The following RAPGEF5 variants were observed in gnomAD, a reference collection of about 807,000 sequenced individuals.
The protein encoded by RAPGEF5 is M-Ras-regulated GEF.
Under a neutral mutation model 125.2 loss-of-function variants are expected in RAPGEF5, and 65 were observed. The ratio of observed to expected loss-of-function variants is 0.52; its 90% CI spans 0.43 to 0.64. The LOEUF (loss-of-function observed/expected upper bound fraction) is 0.64. RAPGEF5 is among the 30% of genes least tolerant of loss of function. The pLI is 0.00. For synonymous variants in RAPGEF5, 391 were observed against 385.9 expected (o/e 1.01, Z -0.16); for missense variants, 958 against 1,048.1 (o/e 0.91, Z 1.19).
At chr7:22,170,453 G>C (rs990380057) in intron 11 of RAPGEF5, among the ~76,000 whole-genome samples, 2 of 152,204 alleles carry the variant, frequency 1.3e-5, no homozygotes, top group South Asian at 2.1e-4. Context: ...CTGAGAGGGA[G>C]TTGGCATTTA....
chr7:22,133,909 A>G (rs967693987), intron 23 of RAPGEF5, among the ~76,000 whole-genome samples: 1 of 152,186 alleles, frequency 6.6e-6, no homozygotes, highest in South Asian at 2.1e-4. Context: ...TAATCCACTT[A>G]ATTGATAATC....
chr7:22,254,589 C>T (rs1786707553), intron 7 of RAPGEF5, among the ~76,000 whole-genome samples: 1 of 114,374 alleles, frequency 8.7e-6, no homozygotes, highest in Non-Finnish European at 1.7e-5. Context: ...GCCTGGGTGA[C>T]AAGAGCAAAA....
intron 19 of RAPGEF5, among the ~76,000 whole-genome samples, chr7:22,146,071 A>G (rs1403714368): frequency 6.6e-6 from 1 of 152,160 alleles, no homozygotes; most frequent in Non-Finnish European, 1.5e-5. Flanking sequence ...ACTTCCAAAG[A>G]CACAAGTCAT....
Position 22,122,411 on chromosome 7 carries a change from C to T in RAPGEF5, c.2647G>A (p.Val883Met). ...GGGAGGTGAGGCAGTGGGGCTCACA[C>T]CCGAGGCTCGATCCTGTGTGAGAGC... ...FELSHRIEPR[V>M] Residue 883 changes from valine to methionine, a missense_variant, in exon 26 of 26, where the codon GTG becomes ATG. By Grantham distance (21) the Val-to-Met change is conservative (BLOSUM62 1). Coordinates refer to ENST00000665637, the MANE Select transcript of RAPGEF5 (RefSeq NM_012294.5). 6.2e-7 allele frequency: 1 copy of T among 1,612,618 alleles called. No homozygotes were observed. Among genetic ancestry groups the T allele is most frequent in the Non-Finnish European group, 8.5e-7 (1 of 1,178,998 alleles).
At chr7:22,245,169 T>C (rs1418639311) in intron 7 of RAPGEF5, among the ~76,000 whole-genome samples, 1 of 152,220 alleles carries the variant, frequency 6.6e-6, no homozygotes, top group Non-Finnish European at 1.5e-5. Context: ...CAGGTTTTCT[T>C]CCTATCATGT....
At chr7:22,334,854 A>G (rs948558534) in intron 1 of RAPGEF5, among the ~76,000 whole-genome samples, 1 of 152,118 alleles carries the variant, frequency 6.6e-6, no homozygotes, top group African/African-American at 2.4e-5. Context: ...CATTCTTCCT[A>G]TCCTTCTCTG....
chr7:22,196,082 C>A, intron 9 of RAPGEF5, among the ~76,000 whole-genome samples: 1 of 152,130 alleles, frequency 6.6e-6, no homozygotes, highest in Admixed American at 6.6e-5. Flanking sequence ...TATTGATGTA[C>A]TATCAATAGC....
intron 3 of RAPGEF5, among the ~76,000 whole-genome samples, chr7:22,311,309 T>C (rs1783464965): frequency 6.6e-6 from 1 of 152,258 alleles, no homozygotes; most frequent in African/African-American, 2.4e-5. Flanking sequence ...GCCAAGCACC[T>C]GGCCAAAATG....
intron 1 of RAPGEF5, among the ~76,000 whole-genome samples, chr7:22,328,881 A>G (rs986513028): frequency 3.9e-5 from 6 of 152,188 alleles, no homozygotes; most frequent in African/African-American, 1.4e-4. Context: ...GAGGCCAACA[A>G]AAGAGTCACC....
At chr7:22,139,849 A>C (rs1051767089) in intron 21 of RAPGEF5, 176 bp downstream of exon 21, 9 of 552,454 alleles carry the variant, frequency 1.6e-5, no homozygotes, top group Non-Finnish European at 2.9e-5. Flanking sequence ...TACCATTTTT[A>C]TCTAGTTCAG....
chr7:22,187,676 G>T (rs1481340683), intron 11 of RAPGEF5, among the ~76,000 whole-genome samples: 2 of 152,200 alleles, frequency 1.3e-5, no homozygotes, highest in Non-Finnish European at 2.9e-5. Flanking sequence ...GTGTAGGTTT[G>T]TCAGTTATGA....
chr7:22,313,433 C>T (rs1186860216), intron 3 of RAPGEF5, among the ~76,000 whole-genome samples: 1 of 152,158 alleles, frequency 6.6e-6, no homozygotes, highest in Non-Finnish European at 1.5e-5. Context: ...GAAAATGATT[C>T]ATCCCTAGGT....
intron 3 of RAPGEF5, among the ~76,000 whole-genome samples, chr7:22,310,359 G>C (rs1562522588): frequency 6.6e-6 from 1 of 152,054 alleles, no homozygotes; most frequent in Non-Finnish European, 1.5e-5. Flanking sequence ...AACAATATCT[G>C]CTTATCCCAC....
At chr7:22,274,804 C>T (rs1157372586) in intron 6 of RAPGEF5, among the ~76,000 whole-genome samples, 1 of 152,200 alleles carries the variant, frequency 6.6e-6, no homozygotes, top group East Asian at 1.9e-4. Flanking sequence ...CCACATCATT[C>T]TCTACTCTGC....
chr7:22,315,153 G>C (rs767391155), intron 3 of RAPGEF5, among the ~76,000 whole-genome samples: 21 of 152,174 alleles, frequency 1.4e-4, no homozygotes, highest in Non-Finnish European at 2.6e-4. Context: ...CTTGGGGCTG[G>C]AAATTCCATA....
At chr7:22,195,338 T>C (rs1299810658) in intron 9 of RAPGEF5, among the ~76,000 whole-genome samples, 1 of 152,208 alleles carries the variant, frequency 6.6e-6, no homozygotes, top group East Asian at 1.9e-4. Flanking sequence ...AATTGTGACT[T>C]TACCTCCTGG....
At chr7:22,199,799 C>T (rs551565829) in intron 9 of RAPGEF5, among the ~76,000 whole-genome samples, 4 of 152,166 alleles carry the variant, frequency 2.6e-5, no homozygotes, top group Non-Finnish European at 4.4e-5. Flanking sequence ...TCTAGAAAGG[C>T]GACTTTCCAC....
chr7:22,134,446 G>A (rs1249060747), intron 23 of RAPGEF5, among the ~76,000 whole-genome samples: 3 of 151,840 alleles, frequency 2.0e-5, no homozygotes, highest in Non-Finnish European at 2.9e-5. Flanking sequence ...CAGAGGTCTC[G>A]ATAAACTCAG....
At chr7:22,126,317 C>G (rs984807062) in intron 24 of RAPGEF5, among the ~76,000 whole-genome samples, 2 of 152,222 alleles carry the variant, frequency 1.3e-5, no homozygotes, top group Non-Finnish European at 2.9e-5. Context: ...CTCCATGAAG[C>G]CTTTCTGAGA....
Sources: gnomAD v4.1 joint callset for allele counts (sites outside exome capture counted in the v4.1 genomes callset) on GRCh38, gnomAD v4.1.1 for gene constraint, MANE v1.5 for transcripts, NCBI Gene and HGNC (gene_info 2026-07-23, HGNC 2026-07-21) for gene names.